Variants in PTPRD observed in about 807,000 individuals in gnomAD.
PTPRD encodes the protein receptor-type tyrosine-protein phosphatase delta.
In PTPRD, 34 loss-of-function variants were observed where a neutral mutation model predicts 214.5. The ratio of observed to expected loss-of-function variants is 0.16; its 90% confidence interval spans 0.12 to 0.21. PTPRD has a LOEUF of 0.21. Among genes scored for constraint, PTPRD ranks in the 10% least tolerant of loss-of-function variants. The probability of loss-of-function intolerance (pLI) is 1.00; values close to 1 mark genes in which losing one functional copy is unlikely to be tolerated. For synonymous variants in PTPRD, 1,128 were observed against 845.7 expected (o/e 1.33, Z -5.79); for missense variants, 2,545 against 2,398.7 (o/e 1.06, Z -1.27).
intron 10 of PTPRD, among the ~76,000 whole-genome samples, chr9:9,142,405 C>T (rs2099862039): frequency 6.6e-6 from 1 of 152,172 alleles, no homozygotes. Context: ...AATATATTTT[C>T]TTCATCACTC....
At chr9:10,275,495 T>G (rs2094628579) in intron 3 of PTPRD, among the ~76,000 whole-genome samples, 3 of 152,116 alleles carry the variant, frequency 2.0e-5, no homozygotes, top group African/African-American at 7.2e-5. Flanking sequence ...TCATACTACC[T>G]ACACACATTT....
intron 4 of PTPRD, among the ~76,000 whole-genome samples, chr9:10,001,096 A>G (rs1045979262): frequency 4.0e-5 from 6 of 151,870 alleles, no homozygotes; most frequent in African/African-American, 1.5e-4. Flanking sequence ...TTTCTTGACT[A>G]TTAAATTCTC....
chr9:10,524,917 A>T (rs536556408), intron 2 of PTPRD, among the ~76,000 whole-genome samples: 4 of 152,020 alleles, frequency 2.6e-5, no homozygotes, highest in Non-Finnish European at 5.9e-5. Context: ...AAACCAAAAT[A>T]TGATGCTAAA....
intron 9 of PTPRD, among the ~76,000 whole-genome samples, chr9:9,275,068 AT>A (rs1240839792): frequency 0.1 from 6,817 of 65,732 alleles, 440 homozygotes; most frequent in South Asian, 0.11. Context: ...TATATATATT[AT>A]ATATATATAT....
rs543852360 is a variant in PTPRD, at chr9:10,033,412, T to TATATA, written c.-472+301_-472+305dup. 4.6e-4 allele frequency among the ~76,000 whole-genome samples: 70 copies of TATATA among 151,952 alleles called. 1 individual carries two copies. The South Asian group carries it at 0.014, about 31-fold the overall frequency. On this transcript the variant is annotated intron_variant, in intron 4 of 45. Coordinates refer to ENST00000381196, the MANE Select transcript of PTPRD (RefSeq NM_002839.4). ...TTGCTTGTGAGCCAAGGTGTCAATA[T>TATATA]ATATAATATTCTAAAAATTAGCTAA...
At chr9:10,295,641 A>G (rs2095652319) in intron 3 of PTPRD, among the ~76,000 whole-genome samples, 1 of 152,058 alleles carries the variant, frequency 6.6e-6, no homozygotes, top group Non-Finnish European at 1.5e-5. Context: ...CCTTCAATAT[A>G]TCCATATTCT....
chr9:10,346,772 G>A (rs929715904), intron 2 of PTPRD, among the ~76,000 whole-genome samples: 15 of 152,120 alleles, frequency 9.9e-5, no homozygotes, highest in African/African-American at 3.4e-4. Context: ...GTGAATGGGT[G>A]GAAAAGTTTG....
intron 2 of PTPRD, among the ~76,000 whole-genome samples, chr9:10,591,618 G>C (rs1472876125): frequency 1.3e-5 from 2 of 151,992 alleles, no homozygotes; most frequent in African/African-American, 4.8e-5. Context: ...ACACCTTGAG[G>C]GAAGGACTAT....
Position 9,115,485 on chromosome 9 carries a change from C to G in PTPRD, c.-143+67819G>C, listed in dbSNP as rs529159583. Among the ~76,000 whole-genome samples, 6 of 152,198 alleles carry G rather than the reference C, an allele frequency of 3.9e-5. No individual in the cohort carries two copies. In the South Asian group the frequency reaches 1.0e-3, roughly 26 times the overall value. On this transcript the variant is annotated intron_variant, in intron 10 of 45. Coordinates refer to ENST00000381196, the MANE Select transcript of PTPRD (RefSeq NM_002839.4). The stretch of plus-strand genomic sequence containing the variant: ...ACTAAAAAGTAAAAAACAATAGACG[C>G]TTGCATGAATGAAGTGAAAAGGCAA...
chr9:8,752,202 G>A (rs12002219), intron 11 of PTPRD, among the ~76,000 whole-genome samples: 15,894 of 152,192 alleles, frequency 0.1, 1,931 homozygotes, highest in African/African-American at 0.29. Context: ...GAGATAGGAG[G>A]TCCGCACAAG....
intron 3 of PTPRD, among the ~76,000 whole-genome samples, chr9:10,080,836 A>G (rs1203585878): frequency 6.6e-6 from 1 of 152,118 alleles, no homozygotes; most frequent in Non-Finnish European, 1.5e-5. Context: ...GGCAAGCTAG[A>G]CATACTGAGA....
chr9:10,457,583 C>T (rs1369292731), intron 2 of PTPRD, among the ~76,000 whole-genome samples: 2 of 151,924 alleles, frequency 1.3e-5, no homozygotes, highest in Non-Finnish European at 2.9e-5. Flanking sequence ...ATAAAGCTGC[C>T]ATGAGTACTG....
intron 3 of PTPRD, among the ~76,000 whole-genome samples, chr9:10,037,580 G>C (rs73641815): frequency 1.2e-5 from 1 of 83,112 alleles, no homozygotes; most frequent in Non-Finnish European, 2.9e-5. Context: ...TATAGCAGTG[G>C]AAAAAAAAAA....
chr9:10,211,871 G>T (rs993467117), intron 3 of PTPRD, among the ~76,000 whole-genome samples: 2 of 152,052 alleles, frequency 1.3e-5, no homozygotes, highest in Admixed American at 1.3e-4. Flanking sequence ...TCAGGTGATG[G>T]TTGCACTAAA....
At chr9:9,207,823 G>A (rs977530313) in intron 9 of PTPRD, among the ~76,000 whole-genome samples, 1 of 151,880 alleles carries the variant, frequency 6.6e-6, no homozygotes, top group Non-Finnish European at 1.5e-5. Context: ...ATCAATGGCA[G>A]GTTGGTTGAA....
At chr9:9,287,496 C>T (rs4146136) in intron 9 of PTPRD, among the ~76,000 whole-genome samples, 31,144 of 151,652 alleles carry the variant, frequency 0.21, 3,751 homozygotes, top group East Asian at 0.34. Context: ...GTTATTGTGG[C>T]CACAGAGTAG....
intron 12 of PTPRD, among the ~76,000 whole-genome samples, chr9:8,686,261 G>A (rs757546505): frequency 6.6e-6 from 1 of 152,192 alleles, no homozygotes; most frequent in Non-Finnish European, 1.5e-5. Context: ...TTAATTTGGA[G>A]GCAAAATTGG....
At chr9:9,276,858 A>G (rs776390100) in intron 9 of PTPRD, among the ~76,000 whole-genome samples, 1 of 151,376 alleles carries the variant, frequency 6.6e-6, no homozygotes, top group Non-Finnish European at 1.5e-5. Flanking sequence ...CATCATAAAC[A>G]AAGAGAGGCC....
intron 11 of PTPRD, among the ~76,000 whole-genome samples, chr9:8,850,323 T>C (rs997973649): frequency 2.0e-5 from 3 of 152,118 alleles, no homozygotes; most frequent in South Asian, 2.1e-4. Context: ...ACAGTACAGA[T>C]AGCCACCTGA....
Sources: gnomAD v4.1 joint callset for allele counts (sites outside exome capture counted in the v4.1 genomes callset) on GRCh38, gnomAD v4.1.1 for gene constraint, MANE v1.5 for transcripts, NCBI Gene and HGNC (gene_info 2026-07-23, HGNC 2026-07-21) for gene names.